SNX29: variants seen among roughly 807,000 people sequenced by gnomAD.
SNX29 encodes sorting nexin 29.
Under a neutral mutation model 102.1 loss-of-function variants are expected in SNX29, and 78 were observed. The observed-to-expected ratio is 0.76, with a 90% CI of 0.64 to 0.92. SNX29 has a LOEUF of 0.92. Among genes scored for constraint, SNX29 ranks in the 40% least tolerant of loss-of-function variants. The pLI, the probability that SNX29 is intolerant of heterozygous loss-of-function variation, is 0.00. For missense variants in SNX29, 1,280 were observed against 1,061.7 expected, an observed-to-expected ratio of 1.21 and a Z score of -2.86; for synonymous variants, 580 against 414.5, an observed-to-expected ratio of 1.40 and a Z score of -4.85.
intron 11 of SNX29, among the ~76,000 whole-genome samples, chr16:12,110,083 T>G (rs1047510891): frequency 1.3e-5 from 2 of 152,118 alleles, no homozygotes; most frequent in African/African-American, 4.8e-5. Context: ...CTGGGCAAAG[T>G]GAATACGGAG....
chr16:12,518,729 G>C (rs1418734655), intron 19 of SNX29, among the ~76,000 whole-genome samples: 1 of 152,198 alleles, frequency 6.6e-6, no homozygotes, highest in Non-Finnish European at 1.5e-5. Context: ...TCACAGGCCT[G>C]GTGGGCCATG....
chr16:12,258,335 T>A (rs995702457), intron 14 of SNX29, among the ~76,000 whole-genome samples: 1 of 152,130 alleles, frequency 6.6e-6, no homozygotes, highest in Non-Finnish European at 1.5e-5. Flanking sequence ...CGCGTTCCCA[T>A]GTCATCGCAC....
intron 16 of SNX29, among the ~76,000 whole-genome samples, chr16:12,379,758 CTG>C (rs1430926698): frequency 6.6e-6 from 1 of 152,142 alleles, no homozygotes; most frequent in Non-Finnish European, 1.5e-5. Context: ...GGTTTGATCA[CTG>C]TGAGCAACAG....
rs183446758 is a variant in SNX29, at chr16:12,507,513, G to A, written c.2179-17189G>A. The stretch of plus-strand genomic sequence containing the variant: ...TGTTGATGTTACTGTTTGGATGCTT[G>A]TGGTTGATGAGTGGCTTGTGTGTAG... On this transcript the variant is annotated intron_variant, in intron 19 of 20. Coordinates refer to ENST00000566228, the MANE Select transcript of SNX29 (RefSeq NM_032167.5). Among the ~76,000 whole-genome samples the A allele has an allele frequency of 6.6e-4, 101 of 152,282 alleles. 1 individual carries two copies. Among genetic ancestry groups the A allele is most frequent in the African/African-American group, 2.3e-3 (97 of 41,558 alleles).
At chr16:12,537,900 A>G (rs1338956791) in intron 20 of SNX29, among the ~76,000 whole-genome samples, 1 of 151,648 alleles carries the variant, frequency 6.6e-6, no homozygotes, top group Non-Finnish European at 1.5e-5. Context: ...CAGGAGAGTC[A>G]CTGGAACCCA....
intron 1 of SNX29, 106 bp downstream of exon 1, chr16:11,976,919 C>A: frequency 7.9e-7 from 1 of 1,265,228 alleles, no homozygotes. Context: ...CCCTCGCAGA[C>A]CCCCTCCCAG....
chr16:12,362,267 A>G (rs983163683), intron 16 of SNX29, among the ~76,000 whole-genome samples: 1 of 152,200 alleles, frequency 6.6e-6, no homozygotes, highest in Admixed American at 6.5e-5. Flanking sequence ...TCCTCAGTGT[A>G]GATGAAATCC....
chr16:12,530,787 C>T (rs1597769342), intron 20 of SNX29, among the ~76,000 whole-genome samples: 1 of 152,176 alleles, frequency 6.6e-6, no homozygotes, highest in Non-Finnish European at 1.5e-5. Context: ...AACTCCTGAC[C>T]TCCAGTGATC....
intron 15 of SNX29, among the ~76,000 whole-genome samples, chr16:12,319,045 C>T (rs1024482076): frequency 6.6e-6 from 1 of 152,156 alleles, no homozygotes; most frequent in African/African-American, 2.4e-5. Context: ...GGAGTTTCTT[C>T]ACATCCCCAG....
chr16:12,020,096 C>T (rs1284945002), intron 3 of SNX29, among the ~76,000 whole-genome samples: 1 of 151,878 alleles, frequency 6.6e-6, no homozygotes, highest in African/African-American at 2.4e-5. Context: ...AACCAGTTCC[C>T]CAAGTGTTAA....
chr16:12,135,037 G>A (rs560315979), intron 13 of SNX29, among the ~76,000 whole-genome samples: 2 of 152,288 alleles, frequency 1.3e-5, no homozygotes, highest in East Asian at 3.9e-4. Context: ...TGAGAGCCAG[G>A]AGTGCCGAGG....
At chr16:12,100,188 C>T (rs1475450344) in intron 11 of SNX29, among the ~76,000 whole-genome samples, 2 of 152,224 alleles carry the variant, frequency 1.3e-5, no homozygotes, top group East Asian at 1.9e-4. Context: ...TTTACAAAGG[C>T]CTGCTGTGTG....
chr16:12,199,501 C>T, intron 13 of SNX29, 100 bp from the exon 14 acceptor site: 1 of 926,380 alleles, frequency 1.1e-6, no homozygotes. Context: ...GCAAATTGTG[C>T]TTTTCTTTAC....
At chr16:12,390,442 T>C (rs1224478213) in intron 16 of SNX29, among the ~76,000 whole-genome samples, 2 of 152,200 alleles carry the variant, frequency 1.3e-5, no homozygotes, top group African/African-American at 2.4e-5. Flanking sequence ...TTGTGCTGAC[T>C]GCTGTGTGGA....
rs1354415304 is a variant in SNX29, at chr16:12,571,255, C to G, written c.*2626C>G. On this transcript the variant is annotated 3_prime_UTR_variant, in exon 21 of 21. Coordinates refer to ENST00000566228, the MANE Select transcript of SNX29 (RefSeq NM_032167.5). ...AGTTATGGAGCAGAAACACCCAGGC[C>G]TAGCAGAATTGTGGCTGAAACCTGG... is the stretch of plus-strand genomic sequence containing the variant. The G allele has an allele frequency of 8.6e-6, 2 of 232,058 alleles. No homozygotes were observed. Among genetic ancestry groups the G allele is most frequent in the African/African-American group, 4.4e-5 (2 of 45,274 alleles). 14.4% of individuals were successfully genotyped at this position (232,058 alleles called of 1,614,324 possible). A position where few individuals can be genotyped will look rare whatever the true frequency, so the allele number is the denominator to read the frequency against.
At chr16:12,017,458 A>G (rs896786167) in intron 3 of SNX29, among the ~76,000 whole-genome samples, 3 of 151,970 alleles carry the variant, frequency 2.0e-5, no homozygotes, top group Non-Finnish European at 4.4e-5. Flanking sequence ...TTTTTCAGCT[A>G]TATGTTCTGT....
Position 12,360,510 on chromosome 16 carries a change from C to T in SNX29, c.1899+4231C>T, listed in dbSNP as rs533078690. 2.6e-4 allele frequency among the ~76,000 whole-genome samples: 40 copies of T among 152,258 alleles called. No homozygotes were observed. The South Asian group carries it at 7.0e-3, about 27-fold the overall frequency. ...TTTCAGGTTTGGTTTTTTGCCCCAA[C>T]GATGTCACAGGTGGTGGTGTGTGTT... On this transcript the variant is annotated intron_variant, in intron 16 of 20. Coordinates refer to ENST00000566228, the MANE Select transcript of SNX29 (RefSeq NM_032167.5).
At chr16:12,308,365 G>A (rs910555128) in intron 15 of SNX29, among the ~76,000 whole-genome samples, 6 of 152,156 alleles carry the variant, frequency 3.9e-5, no homozygotes, top group Non-Finnish European at 8.8e-5. Flanking sequence ...GGGTATTTAC[G>A]GATTTCATCC....
chr16:12,133,173 C>T (rs989186942), intron 13 of SNX29, among the ~76,000 whole-genome samples: 1 of 151,988 alleles, frequency 6.6e-6, no homozygotes, highest in Non-Finnish European at 1.5e-5. Flanking sequence ...CTTTATGGTC[C>T]AGGTGCCTGC....
Sources: gnomAD v4.1 joint callset for allele counts (sites outside exome capture counted in the v4.1 genomes callset) on GRCh38, gnomAD v4.1.1 for gene constraint, MANE v1.5 for transcripts, NCBI Gene and HGNC (gene_info 2026-07-23, HGNC 2026-07-21) for gene names.